Variants in SH3GL2 observed in about 807,000 individuals in gnomAD.
SH3GL2 encodes the protein SH3 domain containing GRB2 like 2, endophilin A1, also known as endophilin-A1.
In SH3GL2, 24 loss-of-function variants were observed where a neutral mutation model predicts 46.0. The observed-to-expected ratio is 0.52, with a 90% CI of 0.38 to 0.73. The LOEUF (loss-of-function observed/expected upper bound fraction) is 0.73. SH3GL2 is among the 30% of genes least tolerant of loss of function. The pLI, the probability that SH3GL2 is intolerant of heterozygous loss-of-function variation, is 0.00. For synonymous variants in SH3GL2, 196 were observed against 147.1 expected, an observed-to-expected ratio of 1.33 and a Z score of -2.40; for missense variants, 413 against 424.2, an observed-to-expected ratio of 0.97 and a Z score of 0.23.
intron 3 of SH3GL2, among the ~76,000 whole-genome samples, chr9:17,778,312 G>A (rs1438233691): frequency 6.6e-6 from 1 of 152,168 alleles, no homozygotes; most frequent in African/African-American, 2.4e-5. Context: ...GGCAGGCAAA[G>A]CCCCTGCCCT....
intron 1 of SH3GL2, among the ~76,000 whole-genome samples, 181 bp downstream of exon 1, chr9:17,579,468 C>T (rs1260854968): frequency 6.6e-6 from 1 of 151,932 alleles, no homozygotes; most frequent in Non-Finnish European, 1.5e-5. Context: ...GGCGTCCACC[C>T]TCGGTCCCCC....
intron 3 of SH3GL2, among the ~76,000 whole-genome samples, chr9:17,775,396 A>G (rs1021970083): frequency 6.6e-6 from 1 of 152,212 alleles, no homozygotes; most frequent in Non-Finnish European, 1.5e-5. Flanking sequence ...ATTTTTCTGT[A>G]CTTCATTTTC....
At chr9:17,619,629 G>A (rs1211440605) in intron 1 of SH3GL2, among the ~76,000 whole-genome samples, 3 of 151,760 alleles carry the variant, frequency 2.0e-5, no homozygotes, top group Non-Finnish European at 4.4e-5. Context: ...AGTGAGCCAA[G>A]AGTCACCATT....
chr9:17,662,900 A>G (rs1260817770), intron 1 of SH3GL2, among the ~76,000 whole-genome samples: 7 of 151,992 alleles, frequency 4.6e-5, no homozygotes, highest in Non-Finnish European at 8.8e-5. Context: ...TAGTAGAGAC[A>G]GGGTTTTGCC....
chr9:17,588,048 A>G (rs1190839367), intron 1 of SH3GL2, among the ~76,000 whole-genome samples: 2 of 152,186 alleles, frequency 1.3e-5, no homozygotes, highest in African/African-American at 2.4e-5. Context: ...ACTTAACAAG[A>G]GGGCCTGATA....
At chr9:17,735,514 A>AT (rs145002118) in intron 1 of SH3GL2, among the ~76,000 whole-genome samples, 32 of 151,148 alleles carry the variant, frequency 2.1e-4, no homozygotes, top group South Asian at 2.1e-3. Context: ...TTATACATGA[A>AT]TTTTTTTTTT....
chr9:17,734,651 A>G (rs1311909845), intron 1 of SH3GL2, among the ~76,000 whole-genome samples: 4 of 152,152 alleles, frequency 2.6e-5, no homozygotes, highest in African/African-American at 9.6e-5. Flanking sequence ...ACATGTCACA[A>G]CATGAGGAAC....
chr9:17,706,303 A>C (rs1328740310), intron 1 of SH3GL2, among the ~76,000 whole-genome samples: 1 of 152,014 alleles, frequency 6.6e-6, no homozygotes, highest in East Asian at 1.9e-4. Flanking sequence ...CCTTCCTTAG[A>C]ATGTGTGTTG....
chr9:17,762,205 A>G (rs1432838539), intron 3 of SH3GL2, among the ~76,000 whole-genome samples: 1 of 152,120 alleles, frequency 6.6e-6, no homozygotes, highest in Non-Finnish European at 1.5e-5. Context: ...ACCACAGGGC[A>G]CGGAAACGGG....
At position 17,607,038 on chromosome 9, in the gene SH3GL2, C is replaced by T. The variant is rs1818772539; in HGVS notation, c.45+27751C>T. On this transcript the variant is annotated intron_variant, in intron 1 of 8. Transcript: ENST00000380607. ...CTCCTCTTCTCATAAGGCCGGTTAT[C>T]GAGGGAGTTTGTGTGTCTGGGGAAA... 4.6e-5 allele frequency among the ~76,000 whole-genome samples: 7 copies of T among 152,236 alleles called. No individual in the cohort carries two copies. In the South Asian group the frequency reaches 1.5e-3, roughly 32 times the overall value.
intron 1 of SH3GL2, among the ~76,000 whole-genome samples, chr9:17,656,641 TATATTC>T (rs910524334): frequency 4.6e-5 from 7 of 152,136 alleles, no homozygotes; most frequent in African/African-American, 1.7e-4. Context: ...CTGTTGAAAT[TATATTC>T]AGATCTATTG....
At chr9:17,639,160 T>C (rs2134639577) in intron 1 of SH3GL2, among the ~76,000 whole-genome samples, 1 of 152,292 alleles carries the variant, frequency 6.6e-6, no homozygotes, top group South Asian at 2.1e-4. Context: ...TATGGAAAGA[T>C]TTATTTTAAA....
At chr9:17,597,547 A>AT (rs1159553294) in intron 1 of SH3GL2, among the ~76,000 whole-genome samples, 4 of 152,026 alleles carry the variant, frequency 2.6e-5, no homozygotes, top group African/African-American at 9.7e-5. Context: ...TATAACAATG[A>AT]TTTTTTGAAT....
At chr9:17,636,849 C>G (rs1819555182) in intron 1 of SH3GL2, among the ~76,000 whole-genome samples, 1 of 152,128 alleles carries the variant, frequency 6.6e-6, no homozygotes, top group Non-Finnish European at 1.5e-5. Context: ...ATTGCCTGCC[C>G]TGTGTTTCCT....
chr9:17,739,747 C>G (rs1822469618), intron 1 of SH3GL2, among the ~76,000 whole-genome samples: 2 of 152,160 alleles, frequency 1.3e-5, no homozygotes, highest in African/African-American at 4.8e-5. Context: ...GAGCTGAAAG[C>G]TCTGCATGAT....
intron 1 of SH3GL2, among the ~76,000 whole-genome samples, chr9:17,704,344 T>C (rs899286398): frequency 7.9e-5 from 12 of 152,070 alleles, no homozygotes; most frequent in African/African-American, 2.9e-4. Context: ...AGAATCAATA[T>C]TGTTAAAACA....
intron 1 of SH3GL2, among the ~76,000 whole-genome samples, chr9:17,705,204 A>G (rs1173079824): frequency 6.6e-6 from 1 of 152,136 alleles, no homozygotes. Context: ...ACTATCTCAC[A>G]CCAGTCAGAA....
chr9:17,679,150 T>G (rs539771037), intron 1 of SH3GL2, among the ~76,000 whole-genome samples: 1 of 152,272 alleles, frequency 6.6e-6, no homozygotes, highest in East Asian at 1.9e-4. Context: ...TTAAAGTAGT[T>G]TTTTCCAATT....
At chr9:17,719,759 C>G (rs1219991964) in intron 1 of SH3GL2, among the ~76,000 whole-genome samples, 1 of 150,082 alleles carries the variant, frequency 6.7e-6, no homozygotes, top group African/African-American at 2.5e-5. Context: ...CATCACTGTA[C>G]TCTAGTCTGG....
Sources: allele counts gnomAD v4.1 joint callset (sites outside exome capture counted in the v4.1 genomes callset), GRCh38; gene constraint gnomAD v4.1.1; transcripts MANE v1.5; gene names NCBI Gene and HGNC (gene_info 2026-07-23, HGNC 2026-07-21).